Variants in SIPA1L1 observed in about 807,000 individuals in gnomAD.
The protein encoded by SIPA1L1 is signal induced proliferation associated 1 like 1, also known as signal-induced proliferation-associated 1-like protein 1.
In SIPA1L1, 26 loss-of-function variants were observed where a neutral mutation model predicts 162.7. That is an observed-to-expected ratio of 0.16 (90% CI 0.12 to 0.22). The LOEUF is 0.22. Among genes scored for constraint, SIPA1L1 ranks in the 10% least tolerant of loss-of-function variants. SIPA1L1 has a pLI of 1.00. For synonymous variants in SIPA1L1, 829 were observed against 837.4 expected, an observed-to-expected ratio of 0.99 and a Z score of 0.17; for missense variants, 1,874 against 2,241.0, an observed-to-expected ratio of 0.84 and a Z score of 3.31.
At chr14:71,482,593 C>CG (rs2048435309) in intron 2 of SIPA1L1, among the ~76,000 whole-genome samples, 1 of 152,116 alleles carries the variant, frequency 6.6e-6, no homozygotes, top group South Asian at 2.1e-4. Flanking sequence ...AAATCTGTGC[C>CG]GGGGACCAAA....
intron 4 of SIPA1L1, among the ~76,000 whole-genome samples, chr14:71,570,759 T>G (rs2031825686): frequency 1.3e-5 from 2 of 152,196 alleles, no homozygotes; most frequent in Non-Finnish European, 2.9e-5. Context: ...GAGAAAATAC[T>G]GCATTCATGA....
At chr14:71,699,798 A>T (rs1476087700) in intron 14 of SIPA1L1, among the ~76,000 whole-genome samples, 1 of 152,214 alleles carries the variant, frequency 6.6e-6, no homozygotes, top group African/African-American at 2.4e-5. Context: ...GCCCATTTTG[A>T]GGAAGATATT....
intron 2 of SIPA1L1, among the ~76,000 whole-genome samples, chr14:71,325,372 TTGA>T (rs1351681378): frequency 6.6e-6 from 1 of 152,244 alleles, no homozygotes; most frequent in Non-Finnish European, 1.5e-5. Context: ...CAGTGGACTG[TTGA>T]TGAGCTCTGG....
chr14:71,351,525 G>A (rs2036705918), intron 2 of SIPA1L1, among the ~76,000 whole-genome samples: 1 of 152,192 alleles, frequency 6.6e-6, no homozygotes, highest in Non-Finnish European at 1.5e-5. Context: ...TGAGAGAAAG[G>A]TTAATGCAGC....
chr14:71,341,758 G>A (rs2035680107), intron 2 of SIPA1L1, among the ~76,000 whole-genome samples: 1 of 152,096 alleles, frequency 6.6e-6, no homozygotes, highest in South Asian at 2.1e-4. Flanking sequence ...TGTGGTATTT[G>A]CTTTTTCTTT....
intron 4 of SIPA1L1, among the ~76,000 whole-genome samples, chr14:71,567,989 G>A (rs1307414726): frequency 6.6e-6 from 1 of 152,214 alleles, no homozygotes; most frequent in Non-Finnish European, 1.5e-5. Flanking sequence ...ATTATAATTA[G>A]CGTATAACGA....
At chr14:71,575,462 G>A (rs1176502657) in intron 4 of SIPA1L1, among the ~76,000 whole-genome samples, 1 of 152,064 alleles carries the variant, frequency 6.6e-6, no homozygotes, top group Admixed American at 6.6e-5. Context: ...CATATAACCG[G>A]GTTCAAAAAT....
At chr14:71,331,274 A>G (rs2034509207) in intron 2 of SIPA1L1, among the ~76,000 whole-genome samples, 1 of 152,200 alleles carries the variant, frequency 6.6e-6, no homozygotes, top group Non-Finnish European at 1.5e-5. Flanking sequence ...TTTTTATGCC[A>G]TTATCACACT....
At chr14:71,404,700 A>T (rs768361736) in intron 2 of SIPA1L1, among the ~76,000 whole-genome samples, 5 of 152,242 alleles carry the variant, frequency 3.3e-5, no homozygotes, top group Non-Finnish European at 7.3e-5. Context: ...GCCTTGAATT[A>T]CATTTAGCAT....
At chr14:71,666,258 A>G (rs1275850135) in intron 10 of SIPA1L1, among the ~76,000 whole-genome samples, 1 of 152,244 alleles carries the variant, frequency 6.6e-6, no homozygotes. Context: ...ACAGAGGAAC[A>G]TGTTTGTAGT....
chr14:71,674,670 T>C (rs1207213634), intron 12 of SIPA1L1, among the ~76,000 whole-genome samples: 2 of 150,400 alleles, frequency 1.3e-5, no homozygotes. Flanking sequence ...GTTCACGCCA[T>C]TCTCCTGCCT....
intron 2 of SIPA1L1, among the ~76,000 whole-genome samples, chr14:71,404,183 T>C (rs1217345029): frequency 6.6e-6 from 1 of 152,164 alleles, no homozygotes; most frequent in East Asian, 1.9e-4. Context: ...AAAATAACTT[T>C]GGTAACCAAA....
At chr14:71,617,659 C>T (rs2038981615) in intron 5 of SIPA1L1, among the ~76,000 whole-genome samples, 1 of 152,142 alleles carries the variant, frequency 6.6e-6, no homozygotes, top group Non-Finnish European at 1.5e-5. Context: ...TTATTATTCT[C>T]ATGGATTTTC....
intron 22 of SIPA1L1, 42 bp downstream of exon 22, chr14:71,735,433 C>T (rs988241123): frequency 2.2e-6 from 3 of 1,333,606 alleles, no homozygotes; most frequent in Non-Finnish European, 2.2e-6. Flanking sequence ...CCTTGTGTCA[C>T]ATCTGCCACT....
chr14:71,494,461 C>T (rs1415749310), intron 2 of SIPA1L1, among the ~76,000 whole-genome samples: 1 of 151,088 alleles, frequency 6.6e-6, no homozygotes, highest in Non-Finnish European at 1.5e-5. Flanking sequence ...GGATGTTAAA[C>T]CATACTTGCT....
chr14:71,374,618 G>A (rs1320405000), intron 2 of SIPA1L1, among the ~76,000 whole-genome samples: 1 of 150,882 alleles, frequency 6.6e-6, no homozygotes, highest in East Asian at 1.9e-4. Context: ...TAAGTAAATA[G>A]TAATACAAGG....
chr14:71,661,604 A>T lies in SIPA1L1; in HGVS notation c.2255+137A>T, dbSNP rs1301187895. The T allele has an allele frequency of 3.4e-6, 3 of 880,816 alleles. No individual in the cohort carries two copies. The East Asian group carries it at 8.3e-5, about 24-fold the overall frequency. 54.6% of individuals were successfully genotyped at this position (880,816 alleles called of 1,614,324 possible). On this transcript the variant is annotated intron_variant, in intron 10 of 23. Coordinates refer to ENST00000381232, the MANE Select transcript of SIPA1L1 (RefSeq NM_001386936.1). ...TTTTGTCTTTAAACCATGCATGCGG[A>T]TGGCTGAATTCACATGATGATGTAA... is the stretch of plus-strand genomic sequence containing the variant.
At chr14:71,682,987 C>T (rs749237560) in intron 12 of SIPA1L1, among the ~76,000 whole-genome samples, 2 of 152,076 alleles carry the variant, frequency 1.3e-5, no homozygotes, top group South Asian at 2.1e-4. Flanking sequence ...AACCCTGTCT[C>T]GACAAACAAT....
chr14:71,458,122 C>T (rs185749704), intron 2 of SIPA1L1, among the ~76,000 whole-genome samples: 1 of 151,980 alleles, frequency 6.6e-6, no homozygotes, highest in East Asian at 1.9e-4. Context: ...GTTACCTACC[C>T]CTTAGTCCTG....
Sources: gnomAD v4.1 joint callset for allele counts (sites outside exome capture counted in the v4.1 genomes callset) on GRCh38, gnomAD v4.1.1 for gene constraint, MANE v1.5 for transcripts, NCBI Gene and HGNC (gene_info 2026-07-23, HGNC 2026-07-21) for gene names.